Variants in TRMT10A observed in about 807,000 individuals in gnomAD.
The protein encoded by TRMT10A is tRNA methyltransferase 10A, also known as tRNA methyltransferase 10 homolog A.
In TRMT10A, 37 loss-of-function variants were observed where a neutral mutation model predicts 40.4. The ratio of observed to expected loss-of-function variants is 0.92; its 90% CI spans 0.71 to 1.21. The LOEUF (loss-of-function observed/expected upper bound fraction) is 1.21, where lower values mean the gene tolerates loss of function less well. TRMT10A is among the 50% of genes most tolerant of loss of function. TRMT10A has a pLI of 0.00. For synonymous variants in TRMT10A, 103 were observed against 134.1 expected (o/e 0.77, Z 1.60); for missense variants, 388 against 404.3 (o/e 0.96, Z 0.35).
At chr4:99,554,520 A>T (rs888630533) in intron 5 of TRMT10A, among the ~76,000 whole-genome samples, 2 of 152,232 alleles carry the variant, frequency 1.3e-5, no homozygotes, top group Non-Finnish European at 2.9e-5. Flanking sequence ...CAGGAGTTCG[A>T]GACCAGCCTG....
chr4:99,563,794 A>G lies in TRMT10A; in HGVS notation c.-24+119T>C, dbSNP rs1262281897. On this transcript the variant is annotated intron_variant, in intron 1 of 7. Transcript: ENST00000394876. ...CGCCGCAGGAAACCACTTCCACACC[A>G]CTGCTCCCCTCTCCCCCGGAAGCCC... 8.7e-6 allele frequency: 5 copies of G among 573,460 alleles called. No homozygotes were observed. The East Asian group carries it at 1.9e-4, about 22-fold the overall frequency. The allele number at this position is 573,460 out of a possible 1,614,324, so 35.5% of individuals were successfully genotyped here.
In TRMT10A at chr4:99,547,969, T is replaced by G. The variant is rs1022875517; in HGVS notation, c.*1119A>C. 3.3e-5 allele frequency: 5 copies of G among 152,114 alleles called. No homozygotes were observed. The highest frequency in any genetic ancestry group is 1.2e-4 in the African/African-American group (5 of 41,446). 9.4% of individuals were successfully genotyped at this position (152,114 alleles called of 1,614,324 possible). On this transcript the variant is annotated 3_prime_UTR_variant, in exon 8 of 8. Transcript: ENST00000394876. ...AATTACTGATAGGAAACTAAAACAG[T>G]TCCCTTTCACACTATTCTTTCTTGC...
intron 1 of TRMT10A, among the ~76,000 whole-genome samples, chr4:99,559,760 G>A (rs983182239): frequency 6.6e-6 from 1 of 152,104 alleles, no homozygotes; most frequent in African/African-American, 2.4e-5. Flanking sequence ...TGAAAAGTTA[G>A]AAACCTCCTG....
At chr4:99,562,025 G>A (rs1015594315) in intron 1 of TRMT10A, among the ~76,000 whole-genome samples, 19 of 152,052 alleles carry the variant, frequency 1.2e-4, no homozygotes, top group African/African-American at 4.6e-4. Context: ...ACAAAAATTA[G>A]CCAGGCGTGG....
At chr4:99,557,245 A>G (rs2110190342) in intron 4 of TRMT10A, 100 bp downstream of exon 4, 1 of 1,174,958 alleles carries the variant, frequency 8.5e-7, no homozygotes, top group Non-Finnish European at 1.2e-6. Context: ...AAACAAGATT[A>G]CCTGTAAGAC....
rs1206592683 is a variant in TRMT10A, at chr4:99,563,988, T to G, written c.-99A>C. On this transcript the variant is annotated 5_prime_UTR_variant, in exon 1 of 8. Coordinates refer to ENST00000394876, the MANE Select transcript of TRMT10A (RefSeq NM_001134665.3). ...GGGTTGGCCTGGTTACGGCTCACGC[T>G]TCCTTCCACAGAAACTTCAATTCCC... 1.4e-6 allele frequency: 2 copies of G among 1,402,504 alleles called. No individual in the cohort carries two copies. The highest frequency in any genetic ancestry group is 1.9e-6 in the Non-Finnish European group (2 of 1,026,842). 86.9% of individuals were successfully genotyped at this position (1,402,504 alleles called of 1,614,324 possible). A position where few individuals can be genotyped will look rare whatever the true frequency, so the allele number is the denominator to read the frequency against.
chr4:99,560,832 C>T (rs1200963128), intron 1 of TRMT10A, among the ~76,000 whole-genome samples: 1 of 152,148 alleles, frequency 6.6e-6, no homozygotes, highest in African/African-American at 2.4e-5. Context: ...AAACAAATTG[C>T]TCTCTTCATG....
At chr4:99,553,358 A>G (rs193089672) in intron 6 of TRMT10A, among the ~76,000 whole-genome samples, 23 of 152,320 alleles carry the variant, frequency 1.5e-4, no homozygotes, top group Admixed American at 1.4e-3. Context: ...AGATAATAGA[A>G]AAAACATCCC....
intron 2 of TRMT10A, 57 bp from the exon 3 acceptor site, chr4:99,558,268 C>T (rs1005254416): frequency 3.6e-5 from 49 of 1,354,208 alleles, no homozygotes; most frequent in Non-Finnish European, 4.9e-5. Flanking sequence ...ATTTACAAGA[C>T]TCTTCTAAAT....
At chr4:99,551,426 A>C (rs6822162) in intron 6 of TRMT10A, among the ~76,000 whole-genome samples, 1 of 151,952 alleles carries the variant, frequency 6.6e-6, no homozygotes. Flanking sequence ...AGTCCCATAA[A>C]ATTATAATGG....
chr4:99,556,289 T>C, intron 4 of TRMT10A, 69 bp from the exon 5 acceptor site: 1 of 1,349,212 alleles, frequency 7.4e-7, no homozygotes, highest in Non-Finnish European at 1.0e-6. Flanking sequence ...TTTATTTCTC[T>C]CATCTACTTA....
intron 6 of TRMT10A, among the ~76,000 whole-genome samples, chr4:99,551,638 T>TA (rs1238444861): frequency 6.6e-6 from 1 of 152,098 alleles, no homozygotes; most frequent in Non-Finnish European, 1.5e-5. Flanking sequence ...CTATACTTTT[T>TA]ATCGTTAGAG....
Position 99,559,157 on chromosome 4 carries a change from C to T in TRMT10A, c.182G>A (p.Arg61His), listed in dbSNP as rs775920482. The T allele has an allele frequency of 1.1e-5, 18 of 1,611,168 alleles. No individual in the cohort carries two copies. The highest frequency in any genetic ancestry group is 5.5e-5 in the South Asian group (5 of 90,630). Residue 61 changes from arginine (R) to histidine (H), a missense_variant, in exon 2 of 8, where the codon CGC (arginine) becomes CAC (histidine). Coordinates refer to ENST00000394876, the MANE Select transcript of TRMT10A (RefSeq NM_001134665.3). ...QKQWEEQREL[R>H]KQKRKEKRKR... The stretch of plus-strand genomic sequence containing the variant: ...ATATACATTTTGAAACACATACTTG[C>T]GGAGTTCCCGTTGCTCTTCCCATTG...
chr4:99,548,943 T>TTA lies in TRMT10A; in HGVS notation c.*144_*145insTA, dbSNP rs2110180620. On this transcript the variant is annotated 3_prime_UTR_variant, in exon 8 of 8. Coordinates refer to ENST00000394876, the MANE Select transcript of TRMT10A (RefSeq NM_001134665.3). ...TTACAAAGTTTAAAGGGCTTTTTTTTTTATTATTATTTAGGTCCAAAAAAA... is the reference window on the plus strand; with the variant it reads ...TTACAAAGTTTAAAGGGCTTTTTTTTTATTATTATTATTTAGGTCCAAAAAAA... 2 of 738,846 alleles carry TTA rather than the reference T, an allele frequency of 2.7e-6. No homozygotes were observed. The highest frequency in any genetic ancestry group is 3.0e-5 in the East Asian group (1 of 33,438). 45.8% of individuals were successfully genotyped at this position (738,846 alleles called of 1,614,324 possible).
intron 6 of TRMT10A, among the ~76,000 whole-genome samples, chr4:99,553,480 G>C (rs561546329): frequency 1.9e-4 from 29 of 152,298 alleles, no homozygotes; most frequent in African/African-American, 7.0e-4. Flanking sequence ...GTGGACTCCA[G>C]AGCAATCAGC....
intron 4 of TRMT10A, 100 bp from the exon 5 acceptor site, chr4:99,556,320 A>T (rs1724159307): frequency 3.7e-6 from 4 of 1,078,220 alleles, no homozygotes; most frequent in Non-Finnish European, 5.3e-6. Context: ...AATGAAACAC[A>T]AAATATATTT....
Position 99,559,151 on chromosome 4 carries a change from T to G in TRMT10A, c.185+3A>C. The G allele has an allele frequency of 6.2e-7, 1 of 1,610,432 alleles. No individual in the cohort carries two copies. The highest frequency in any genetic ancestry group is 8.5e-7 in the Non-Finnish European group (1 of 1,177,832). ...GAGAGCATATACATTTTGAAACACATACTTGCGGAGTTCCCGTTGCTCTTC... is the reference window on the plus strand; with the variant it reads ...GAGAGCATATACATTTTGAAACACAGACTTGCGGAGTTCCCGTTGCTCTTC... On this transcript the variant is annotated splice_donor_region_variant and intron_variant, in intron 2 of 7. Coordinates refer to ENST00000394876, the MANE Select transcript of TRMT10A (RefSeq NM_001134665.3).
intron 6 of TRMT10A, 101 bp from the exon 7 acceptor site, chr4:99,551,091 T>G: frequency 1.6e-6 from 1 of 611,770 alleles, no homozygotes; most frequent in Non-Finnish European, 2.5e-6. Flanking sequence ...TTCAGAGAAT[T>G]TATAGTTCAG....
intron 1 of TRMT10A, among the ~76,000 whole-genome samples, chr4:99,561,973 A>G (rs1251989607): frequency 6.6e-6 from 1 of 152,012 alleles, no homozygotes; most frequent in Admixed American, 6.6e-5. Context: ...TGAGGTCAGG[A>G]GTTCAAGACC....
Sources: allele counts gnomAD v4.1 joint callset (sites outside exome capture counted in the v4.1 genomes callset), GRCh38; gene constraint gnomAD v4.1.1; transcripts MANE v1.5; gene names NCBI Gene and HGNC (gene_info 2026-07-23, HGNC 2026-07-21).